Variants in ASTN2 observed in about 807,000 individuals in gnomAD.
ASTN2 encodes astrotactin 2.
A neutral mutation model predicts 139.8 loss-of-function variants in ASTN2; 54 were observed. The ratio of observed to expected loss-of-function variants is 0.39; its 90% CI spans 0.31 to 0.48. The LOEUF is 0.48. Ranked by LOEUF, ASTN2 falls within the 20% of genes least tolerant of loss-of-function variation. The probability of loss-of-function intolerance (pLI) is 0.95; values close to 1 mark genes in which losing one functional copy is unlikely to be tolerated. For synonymous variants in ASTN2, 756 were observed against 719.5 expected, an observed-to-expected ratio of 1.05 and a Z score of -0.81; for missense variants, 1,565 against 1,725.1, an observed-to-expected ratio of 0.91 and a Z score of 1.64.
At chr9:116,506,113 C>G (rs1204566374) in intron 19 of ASTN2, among the ~76,000 whole-genome samples, 1 of 152,156 alleles carries the variant, frequency 6.6e-6, no homozygotes, top group Non-Finnish European at 1.5e-5. Flanking sequence ...ATGATAGGAG[C>G]TTGTTCAGTG....
At chr9:116,959,555 A>C (rs2132500582) in intron 10 of ASTN2, among the ~76,000 whole-genome samples, 1 of 152,248 alleles carries the variant, frequency 6.6e-6, no homozygotes, top group Middle Eastern at 3.4e-3. Flanking sequence ...GGCAGGAAGA[A>C]CATCTAAGGA....
intron 19 of ASTN2, among the ~76,000 whole-genome samples, chr9:116,506,152 C>T (rs540751153): frequency 2.0e-5 from 3 of 152,124 alleles, no homozygotes; most frequent in East Asian, 1.9e-4. Flanking sequence ...GAATAGTGTT[C>T]GGTATGTAGT....
intron 19 of ASTN2, among the ~76,000 whole-genome samples, chr9:116,541,910 T>A (rs1340844783): frequency 1.3e-5 from 2 of 152,248 alleles, no homozygotes; most frequent in African/African-American, 2.4e-5. Context: ...AGAGACCTTG[T>A]GTACTCTTTA....
intron 10 of ASTN2, among the ~76,000 whole-genome samples, chr9:116,921,586 TA>T (rs11371651): frequency 1.6e-3 from 186 of 112,946 alleles, no homozygotes; most frequent in African/African-American, 4.3e-3. Flanking sequence ...AGACTCCGTC[TA>T]AAAAAAAAAA....
chr9:116,821,925 G>A (rs1831495006), intron 11 of ASTN2, among the ~76,000 whole-genome samples: 1 of 152,010 alleles, frequency 6.6e-6, no homozygotes, highest in South Asian at 2.1e-4. Context: ...CCCAGCTGAT[G>A]GAGAAGTAGT....
intron 1 of ASTN2, among the ~76,000 whole-genome samples, chr9:117,394,491 G>A (rs189567927): frequency 6.6e-6 from 1 of 152,214 alleles, no homozygotes; most frequent in African/African-American, 2.4e-5. Flanking sequence ...ATATAAGGGA[G>A]GAGGCCTAAG....
intron 6 of ASTN2, among the ~76,000 whole-genome samples, chr9:117,031,049 A>G (rs895529529): frequency 6.6e-6 from 1 of 152,068 alleles, no homozygotes; most frequent in Non-Finnish European, 1.5e-5. Flanking sequence ...CACCTCCCCT[A>G]TGGGGGTTCT....
chr9:117,397,238 TACAA>T (rs1564183965), intron 1 of ASTN2, among the ~76,000 whole-genome samples: 1 of 152,138 alleles, frequency 6.6e-6, no homozygotes, highest in Non-Finnish European at 1.5e-5. Context: ...TCCTTTGAGT[TACAA>T]ACAATCCAAT....
chr9:116,429,548 CTTAGAAAA>C (rs1847430073), intron 22 of ASTN2, among the ~76,000 whole-genome samples: 1 of 152,104 alleles, frequency 6.6e-6, no homozygotes. Flanking sequence ...ACGTCAAACT[CTTAGAAAA>C]TTACTTGGCA....
At chr9:116,878,058 A>G (rs1473802984) in intron 10 of ASTN2, among the ~76,000 whole-genome samples, 3 of 152,208 alleles carry the variant, frequency 2.0e-5, no homozygotes, top group African/African-American at 7.2e-5. Flanking sequence ...TCAAGAAACA[A>G]CAGATGCTGG....
chr9:117,317,675 G>T (rs1828186871), intron 1 of ASTN2, among the ~76,000 whole-genome samples: 1 of 152,142 alleles, frequency 6.6e-6, no homozygotes, highest in South Asian at 2.1e-4. Flanking sequence ...GTGCCCCTGG[G>T]AGTCTGTAGA....
At position 117,210,338 on chromosome 9, in the gene ASTN2, A is replaced by G. The variant is rs182494493; in HGVS notation, c.1015+4020T>C. On this transcript the variant is annotated intron_variant, in intron 3 of 22. Transcript: ENST00000313400. ...AAAAGGAGAGAACACTCACATAAATAAAATCGGAAATGAAAAGGGAGACAT... is the reference window on the plus strand; with the variant it reads ...AAAAGGAGAGAACACTCACATAAATGAAATCGGAAATGAAAAGGGAGACAT... 4.6e-5 allele frequency among the ~76,000 whole-genome samples: 7 copies of G among 152,250 alleles called. No individual in the cohort carries two copies. In the East Asian group the frequency reaches 1.3e-3, roughly 29 times the overall value.
intron 4 of ASTN2, among the ~76,000 whole-genome samples, chr9:117,120,012 GTGTGTGTATATATATATATATATATATA>G (rs1829505829): frequency 4.4e-5 from 3 of 68,782 alleles, no homozygotes; most frequent in South Asian, 1.2e-3. Context: ...GTGTGTGTGT[GTGTGTGTATATATATATATATATATATA>G]TATATATATA....
chr9:116,458,580 A>T (rs1848398947), intron 20 of ASTN2, among the ~76,000 whole-genome samples: 1 of 152,046 alleles, frequency 6.6e-6, no homozygotes, highest in Non-Finnish European at 1.5e-5. Flanking sequence ...TACAAAAATC[A>T]ACTGTATTTC....
intron 2 of ASTN2, among the ~76,000 whole-genome samples, chr9:117,247,387 T>C (rs1455804892): frequency 6.6e-6 from 1 of 152,052 alleles, no homozygotes; most frequent in Non-Finnish European, 1.5e-5. Flanking sequence ...ATTGATGAAG[T>C]CCCCAGGAAT....
intron 11 of ASTN2, among the ~76,000 whole-genome samples, chr9:116,830,960 C>T (rs1192181129): frequency 6.6e-6 from 1 of 151,820 alleles, no homozygotes; most frequent in Non-Finnish European, 1.5e-5. Context: ...ACACTCCTAC[C>T]CCTCCCTTCT....
At chr9:117,312,231 G>A (rs926969145) in intron 1 of ASTN2, among the ~76,000 whole-genome samples, 1 of 152,116 alleles carries the variant, frequency 6.6e-6, no homozygotes, top group South Asian at 2.1e-4. Flanking sequence ...CACCTATGCT[G>A]GTTAAGAGGA....
intron 3 of ASTN2, among the ~76,000 whole-genome samples, chr9:117,180,110 C>T (rs1831020153): frequency 6.6e-6 from 1 of 152,194 alleles, no homozygotes; most frequent in Non-Finnish European, 1.5e-5. Context: ...TTTTGATTCA[C>T]AGAGTAGTCT....
At chr9:116,510,520 T>G (rs1158041125) in intron 19 of ASTN2, among the ~76,000 whole-genome samples, 10 of 152,186 alleles carry the variant, frequency 6.6e-5, no homozygotes, top group Admixed American at 6.5e-4. Context: ...TTAAAGTAGT[T>G]TTTTCCAATT....
Sources: allele counts gnomAD v4.1 joint callset (sites outside exome capture counted in the v4.1 genomes callset), GRCh38; gene constraint gnomAD v4.1.1; transcripts MANE v1.5; gene names NCBI Gene and HGNC (gene_info 2026-07-23, HGNC 2026-07-21).